DLG2: variants seen among roughly 807,000 people sequenced by gnomAD.
DLG2 encodes the protein discs large MAGUK scaffold protein 2, also known as disks large homolog 2.
A neutral mutation model predicts 132.5 loss-of-function variants in DLG2; 45 were observed. That is an observed-to-expected ratio of 0.34 (90% CI 0.27 to 0.44). The LOEUF is 0.44. Among genes scored for constraint, DLG2 ranks in the 20% least tolerant of loss-of-function variants. The probability of loss-of-function intolerance (pLI) is 1.00; values close to 1 mark genes in which losing one functional copy is unlikely to be tolerated. For missense variants in DLG2, 1,045 were observed against 1,196.9 expected, an observed-to-expected ratio of 0.87 and a Z score of 1.87; for synonymous variants, 424 against 419.6, an observed-to-expected ratio of 1.01 and a Z score of -0.13.
chr11:83,824,533 G>C (rs2051908534), intron 17 of DLG2, among the ~76,000 whole-genome samples: 1 of 152,052 alleles, frequency 6.6e-6, no homozygotes, highest in Non-Finnish European at 1.5e-5. Context: ...GTTTTCTGGA[G>C]ATTATGACAG....
intron 11 of DLG2, among the ~76,000 whole-genome samples, chr11:84,000,962 A>C (rs1199089773): frequency 6.6e-6 from 1 of 152,044 alleles, no homozygotes; most frequent in Non-Finnish European, 1.5e-5. Flanking sequence ...AAGAGAAAGA[A>C]CTCAAATAGC....
intron 4 of DLG2, among the ~76,000 whole-genome samples, chr11:85,161,349 C>G (rs1388996685): frequency 6.6e-6 from 1 of 152,190 alleles, no homozygotes; most frequent in Non-Finnish European, 1.5e-5. Context: ...CTCACCAAGG[C>G]TGAGCTGCCT....
intron 3 of DLG2, among the ~76,000 whole-genome samples, chr11:85,592,980 AAAG>A (rs2079470129): frequency 6.6e-6 from 1 of 151,854 alleles, no homozygotes; most frequent in African/African-American, 2.4e-5. Context: ...AAAGAAAAGA[AAAG>A]AAAAAAGAAG....
At chr11:83,657,137 T>C (rs2072736602) in intron 18 of DLG2, among the ~76,000 whole-genome samples, 2 of 152,244 alleles carry the variant, frequency 1.3e-5, no homozygotes, top group Admixed American at 6.5e-5. Flanking sequence ...TGTCTTATTC[T>C]GTCTGTAATT....
chr11:84,599,452 C>T (rs933708248), intron 6 of DLG2, among the ~76,000 whole-genome samples: 7 of 152,058 alleles, frequency 4.6e-5, no homozygotes, highest in African/African-American at 1.7e-4. Context: ...GCTTTAGTGC[C>T]TTGTTTTTGT....
intron 3 of DLG2, among the ~76,000 whole-genome samples, chr11:85,356,838 C>T (rs1320299543): frequency 6.6e-6 from 1 of 151,742 alleles, no homozygotes; most frequent in Non-Finnish European, 1.5e-5. Context: ...AGATGATAGA[C>T]AGACACACAC....
chr11:85,030,724 CT>C (rs1337301436), intron 6 of DLG2, among the ~76,000 whole-genome samples: 12 of 152,084 alleles, frequency 7.9e-5, no homozygotes, highest in Non-Finnish European at 1.3e-4. Flanking sequence ...ATTATTTATA[CT>C]TTAAAATGTA....
intron 7 of DLG2, among the ~76,000 whole-genome samples, chr11:84,514,325 G>C (rs1404467228): frequency 3.3e-5 from 5 of 152,012 alleles, no homozygotes; most frequent in Non-Finnish European, 7.4e-5. Context: ...ACACGATCTA[G>C]CAATCCCACT....
intron 7 of DLG2, among the ~76,000 whole-genome samples, chr11:84,282,257 A>T (rs1413708722): frequency 6.6e-6 from 1 of 152,224 alleles, no homozygotes; most frequent in African/African-American, 2.4e-5. Flanking sequence ...GGACAAACAA[A>T]AAGTACATAC....
intron 9 of DLG2, among the ~76,000 whole-genome samples, chr11:84,117,130 G>A (rs556689624): frequency 6.6e-5 from 10 of 152,188 alleles, no homozygotes; most frequent in African/African-American, 1.7e-4. Flanking sequence ...TTGATCTCAC[G>A]CACCCTAATC....
At chr11:85,357,238 T>TTGTGTGTG (rs71036472) in intron 3 of DLG2, among the ~76,000 whole-genome samples, 4,769 of 118,136 alleles carry the variant, frequency 0.04, 170 homozygotes, top group Middle Eastern at 0.088. Context: ...AATATCCTCT[T>TTGTGTGTG]TGTGTGTGTG....
rs140904176 is a variant in DLG2, at chr11:84,486,133, G to A, written c.519+48437C>T. On this transcript the variant is annotated intron_variant, in intron 7 of 27. Coordinates refer to ENST00000376104, the MANE Select transcript of DLG2 (RefSeq NM_001142699.3). ...TAAGGGGACCTAGTAATGTGGAGTGGCAGATGGGGATAGCCTCATTGTCTT... is the reference window on the plus strand; with the variant it reads ...TAAGGGGACCTAGTAATGTGGAGTGACAGATGGGGATAGCCTCATTGTCTT... Among the ~76,000 whole-genome samples, 83 of 152,200 alleles carry A rather than the reference G, an allele frequency of 5.5e-4. 2 individuals carry two copies. Among genetic ancestry groups the A allele is most frequent in the Admixed American group, 2.6e-3 (39 of 15,280 alleles).
At chr11:85,021,868 G>A (rs1285119728) in intron 6 of DLG2, among the ~76,000 whole-genome samples, 10 of 151,980 alleles carry the variant, frequency 6.6e-5, no homozygotes, top group Admixed American at 5.2e-4. Flanking sequence ...CTTTTCACAC[G>A]TCATGGAACT....
chr11:84,854,681 A>C (rs2082552541), intron 6 of DLG2, among the ~76,000 whole-genome samples: 1 of 151,980 alleles, frequency 6.6e-6, no homozygotes, highest in Admixed American at 6.6e-5. Flanking sequence ...TGATTTATAC[A>C]TTCCTGTTTC....
chr11:84,372,584 T>G (rs748120346), intron 7 of DLG2, among the ~76,000 whole-genome samples: 33 of 152,346 alleles, frequency 2.2e-4, no homozygotes, highest in African/African-American at 7.7e-4. Flanking sequence ...GGCAAAGGAA[T>G]TGATTCTTTC....
At chr11:85,357,482 C>A (rs908313031) in intron 3 of DLG2, among the ~76,000 whole-genome samples, 2 of 147,892 alleles carry the variant, frequency 1.4e-5, no homozygotes, top group Non-Finnish European at 3.0e-5. Context: ...GTGAGAATAT[C>A]CTCTCTCCTT....
chr11:84,929,018 A>ATATATC (rs1566426076), intron 6 of DLG2, among the ~76,000 whole-genome samples: 6 of 125,072 alleles, frequency 4.8e-5, no homozygotes, highest in African/African-American at 8.9e-5. Flanking sequence ...ATATATATAT[A>ATATATC]TATATATTAC....
At chr11:83,999,327 G>A (rs1004431957) in intron 11 of DLG2, among the ~76,000 whole-genome samples, 2 of 152,110 alleles carry the variant, frequency 1.3e-5, no homozygotes, top group Non-Finnish European at 2.9e-5. Flanking sequence ...CTCCTCAGCT[G>A]GCACCTACCT....
At position 83,753,881 on chromosome 11, in the gene DLG2, T is replaced by TCATATATG. The variant is rs1566833271; in HGVS notation, c.1825+32808_1825+32809insCATATATG. Among the ~76,000 whole-genome samples the TCATATATG allele has an allele frequency of 3.9e-3, 313 of 79,756 alleles. 13 individuals are homozygous for TCATATATG. Among genetic ancestry groups the TCATATATG allele is most frequent in the African/African-American group, 0.028 (288 of 10,308 alleles). 52.3% of individuals were successfully genotyped at this position (79,756 alleles called of 152,430 possible). A position where few individuals can be genotyped will look rare whatever the true frequency, so the allele number is the denominator to read the frequency against. On this transcript the variant is annotated intron_variant, in intron 18 of 27. Coordinates refer to ENST00000376104, the MANE Select transcript of DLG2 (RefSeq NM_001142699.3). ...ATATATATTTCATATATATGATATA[T>TCATATATG]ATCATATATATCATATATATATTTC...
Sources: gnomAD v4.1 joint callset for allele counts (sites outside exome capture counted in the v4.1 genomes callset) on GRCh38, gnomAD v4.1.1 for gene constraint, MANE v1.5 for transcripts, NCBI Gene and HGNC (gene_info 2026-07-23, HGNC 2026-07-21) for gene names.